Variants in ZNF717 observed in about 807,000 individuals in gnomAD.
The protein encoded by ZNF717 is krueppel-like factor X17.
Under a neutral mutation model 13.8 loss-of-function variants are expected in ZNF717, and 9 were observed. The ratio of observed to expected loss-of-function variants is 0.65; its 90% CI spans 0.39 to 1.14. The LOEUF is 1.14. Among genes scored for constraint, ZNF717 ranks in the 50% most tolerant of loss-of-function variants. The pLI is 0.01. For synonymous variants in ZNF717, 327 were observed against 364.1 expected, an observed-to-expected ratio of 0.90 and a Z score of 1.16; for missense variants, 1,040 against 1,080.7, an observed-to-expected ratio of 0.96 and a Z score of 0.53.
intron 2 of ZNF717, among the ~76,000 whole-genome samples, chr3:75,754,764 A>G (rs1253316473): frequency 6.6e-6 from 1 of 152,244 alleles, no homozygotes; most frequent in Non-Finnish European, 1.5e-5. Flanking sequence ...GAGAAGAAAT[A>G]GAAGAAAGAT....
intron 6 of ZNF717, among the ~76,000 whole-genome samples, chr3:75,699,936 A>T: frequency 6.6e-6 from 1 of 152,312 alleles, no homozygotes; most frequent in African/African-American, 2.4e-5. Flanking sequence ...AATTTACCAA[A>T]GAAATAAAAG....
At chr3:75,745,680 C>CT (rs1014299192) in intron 2 of ZNF717, among the ~76,000 whole-genome samples, 1 of 151,960 alleles carries the variant, frequency 6.6e-6, no homozygotes, top group Non-Finnish European at 1.5e-5. Flanking sequence ...ATGAGATCAA[C>CT]TTTTTTATAT....
chr3:75,695,712 C>T (rs1575756157), intron 6 of ZNF717, among the ~76,000 whole-genome samples: 1 of 152,156 alleles, frequency 6.6e-6, no homozygotes, highest in African/African-American at 2.4e-5. Context: ...AAACAATATG[C>T]TCCTGAATGA....
intron 5 of ZNF717, among the ~76,000 whole-genome samples, chr3:75,716,189 C>T (rs1490611411): frequency 6.6e-6 from 1 of 151,054 alleles, no homozygotes; most frequent in African/African-American, 2.4e-5. Context: ...CCATGTTGGC[C>T]AGGATGGTCT....
chr3:75,728,194 A>G (rs1575726593), downstream of ZNF717, among the ~76,000 whole-genome samples: 1 of 149,456 alleles, frequency 6.7e-6, no homozygotes, highest in African/African-American at 2.5e-5. Context: ...ATTGCTTAGT[A>G]AGCATGTCTC....
intron 6 of ZNF717, among the ~76,000 whole-genome samples, chr3:75,703,100 T>G (rs1459893042): frequency 6.2e-4 from 94 of 152,206 alleles, no homozygotes; most frequent in Non-Finnish European, 1.0e-3. Context: ...CTTATTAAAT[T>G]TGATTTGGTT....
Position 75,737,177 on chromosome 3 carries a change from A to C in ZNF717, c.2446T>G (p.Cys816Gly). 6.4e-7 allele frequency: 1 copy of C among 1,556,904 alleles called. No individual in the cohort carries two copies. ...GAGAAGGTTTTCCTACATTCTTTACATTCAAATGGCTTCTCACCTGTGTGA... is the reference window on the plus strand; with the variant it reads ...GAGAAGGTTTTCCTACATTCTTTACCTTCAAATGGCTTCTCACCTGTGTGA... ...RTHTGEKPFE[C>G]KECRKTFSQK... Residue 816 changes from cysteine to glycine, a missense_variant, in exon 5 of 5, where the codon TGT becomes GGT. This residue lies in a region of ZNF717 where 873 missense variants were observed against 832.8 expected (regional missense o/e 1.05). Coordinates refer to ENST00000652011, the MANE Select transcript of ZNF717 (RefSeq NM_001290208.3).
chr3:75,741,013 A>AAAT (rs1316013475), intron 4 of ZNF717, among the ~76,000 whole-genome samples: 109 of 152,340 alleles, frequency 7.2e-4, no homozygotes, highest in African/African-American at 2.5e-3. Flanking sequence ...GAAACAGAGA[A>AAAT]AATAAATAGC....
intron 2 of ZNF717, among the ~76,000 whole-genome samples, chr3:75,763,321 A>G (rs1398019709): frequency 6.6e-6 from 1 of 152,228 alleles, no homozygotes; most frequent in Non-Finnish European, 1.5e-5. Context: ...TAATATTTGC[A>G]TTATTCTTAC....
chr3:75,735,534 A>AATTGCATACTTGTAGTCCTAGCTG (rs1939065683), downstream of ZNF717, among the ~76,000 whole-genome samples: 2 of 151,614 alleles, frequency 1.3e-5, no homozygotes, highest in African/African-American at 2.4e-5. Context: ...AGTCCTAGCT[A>AATTGCATACTTGTAGTCCTAGCTG]ATTGGGAGAC....
Position 75,739,048 on chromosome 3 carries a change from T to G in ZNF717, c.575A>C (p.His192Pro). 1 of 1,551,326 alleles carries G rather than the reference T, an allele frequency of 6.4e-7. No homozygotes were observed. Among genetic ancestry groups the G allele is most frequent in the Non-Finnish European group, 8.7e-7 (1 of 1,146,952 alleles). Residue 192 changes from histidine (H) to proline (P), a missense_variant, in exon 5 of 5, where the codon CAT becomes CCT. Transcript: ENST00000652011. ...VCDITRRSHR[H>P]HEHLTQHHKI... is the part of the protein sequence containing the mutation. ...GTGATGCTGAGTAAGATGTTCATGA[T>G]GTCTGTGGGATCTCCTGGTTATATC...
In ZNF717 at chr3:75,738,563, G is replaced by T; in HGVS notation, c.1060C>A (p.Leu354Ile). ...CGKTFRRKSF[L>I]TLHERTHTGD... is the part of the protein sequence containing the mutation. ...GTGTGAGTTCTCTCATGTAAAGTGA[G>T]GAATGACTTACGGCGAAAGGTTTTA... Residue 354 changes from leucine (L) to isoleucine (I), a missense_variant, in exon 5 of 5, where the codon CTC becomes ATC. Around this residue, in one of 3 missense-constraint regions of ZNF717, gnomAD observed 873 missense variants for 832.8 expected, o/e 1.05. Coordinates refer to ENST00000652011, the MANE Select transcript of ZNF717 (RefSeq NM_001290208.3). 1.9e-6 allele frequency: 3 copies of T among 1,541,842 alleles called. No individual in the cohort carries two copies. Among genetic ancestry groups the T allele is most frequent in the Non-Finnish European group, 2.6e-6 (3 of 1,139,964 alleles).
intron 2 of ZNF717, among the ~76,000 whole-genome samples, chr3:75,747,820 A>C (rs1211889749): frequency 1.9e-4 from 29 of 152,226 alleles, no homozygotes; most frequent in African/African-American, 6.0e-4. Context: ...GGACAATTTG[A>C]CTTCCAAAAA....
chr3:75,701,695 A>G (rs1353310210), intron 6 of ZNF717, among the ~76,000 whole-genome samples: 101 of 152,272 alleles, frequency 6.6e-4, no homozygotes, highest in Admixed American at 4.7e-3. Flanking sequence ...ATCTCAATAA[A>G]TAAATAGATA....
chr3:75,715,800 A>T (rs1938036094), intron 5 of ZNF717, among the ~76,000 whole-genome samples: 1 of 152,050 alleles, frequency 6.6e-6, no homozygotes, highest in South Asian at 2.1e-4. Flanking sequence ...CTACATGTTA[A>T]CTCTATAATT....
chr3:75,729,258 C>A (rs1457280595), downstream of ZNF717, among the ~76,000 whole-genome samples: 6 of 152,218 alleles, frequency 3.9e-5, no homozygotes, highest in Non-Finnish European at 4.4e-5. Flanking sequence ...GGGGAACAAT[C>A]AGATATGCAT....
rs1409986188 is a variant in ZNF717, at chr3:75,736,054, A to T, written c.*824T>A. 9.8e-6 allele frequency: 1 copy of T among 101,582 alleles called. No individual in the cohort carries two copies. Among genetic ancestry groups the T allele is most frequent in the Non-Finnish European group, 2.4e-5 (1 of 41,626 alleles). The allele number at this position is 101,582 out of a possible 1,614,324, so 6.3% of individuals were successfully genotyped here. A position where few individuals can be genotyped will look rare whatever the true frequency, so the allele number is the denominator to read the frequency against. On this transcript the variant is annotated 3_prime_UTR_variant, in exon 5 of 5. Coordinates refer to ENST00000652011, the MANE Select transcript of ZNF717 (RefSeq NM_001290208.3). Reference sequence around the variant, plus strand: ...AAAGATTTTAGTTATCACATCTGTTATGATCTGTGATCAGTGATTTCTGAT... The same window carrying T: ...AAAGATTTTAGTTATCACATCTGTTTTGATCTGTGATCAGTGATTTCTGAT...
At chr3:75,779,677 T>A (rs9843871) in intron 2 of ZNF717, among the ~76,000 whole-genome samples, 130,587 of 148,078 alleles carry the variant, frequency 0.88, 57,513 homozygotes, top group African/African-American at 0.97. Flanking sequence ...AATGGGAGAG[T>A]CGTGCTAAAC....
intron 2 of ZNF717, among the ~76,000 whole-genome samples, chr3:75,760,253 AG>A (rs1942870042): frequency 6.9e-6 from 1 of 145,554 alleles, no homozygotes; most frequent in Admixed American, 6.9e-5. Flanking sequence ...CATGTTGGCC[AG>A]GCTGGTCTCC....
Sources: gnomAD v4.1 joint callset for allele counts (sites outside exome capture counted in the v4.1 genomes callset) on GRCh38, gnomAD v4.1.1 for gene constraint, gnomAD v4.1.1 regional missense constraint, MANE v1.5 for transcripts, NCBI Gene and HGNC (gene_info 2026-07-23, HGNC 2026-07-21) for gene names.